The following MEGF8 variants were observed in gnomAD, a reference collection of about 807,000 sequenced individuals.
MEGF8 encodes multiple EGF like domains 8.
In MEGF8, 156 loss-of-function variants were observed where a neutral mutation model predicts 302.9. That is an observed-to-expected ratio of 0.52 (90% CI 0.45 to 0.59). The LOEUF is 0.59. Ranked by LOEUF, MEGF8 falls within the 20% of genes least tolerant of loss-of-function variation. The probability of loss-of-function intolerance (pLI) is 0.00; values close to 1 mark genes in which losing one functional copy is unlikely to be tolerated. For missense variants in MEGF8, 3,345 were observed against 3,964.5 expected (o/e 0.84, Z 4.20); for synonymous variants, 1,621 against 1,660.5 (o/e 0.98, Z 0.58).
intron 35 of MEGF8, among the ~76,000 whole-genome samples, chr19:42,363,856 C>T (rs1050716198): frequency 6.6e-6 from 1 of 152,216 alleles, no homozygotes; most frequent in African/African-American, 2.4e-5. Flanking sequence ...CACACTTCTC[C>T]ATTGTCGGGT....
intron 13 of MEGF8, 82 bp downstream of exon 13, chr19:42,348,554 T>G: frequency 3.0e-6 from 4 of 1,329,982 alleles, no homozygotes; most frequent in Non-Finnish European, 4.0e-6. Context: ...TGTGGTGATT[T>G]GAAGGTTCTG....
chr19:42,359,296 A>G (rs1304987441), intron 31 of MEGF8, 54 bp downstream of exon 31: 6 of 1,461,922 alleles, frequency 4.1e-6, no homozygotes, highest in South Asian at 1.4e-5. Context: ...GAGGAGCCCC[A>G]TCCCCATCCT....
Position 42,376,475 on chromosome 19 carries a change from C to T in MEGF8, c.8238C>T (p.Pro2746=), listed in dbSNP as rs1201125436. Residue 2746 remains proline, a synonymous_variant, in exon 42 of 42, where the codon CCC becomes CCT. Transcript: ENST00000251268. This position sits in a 1 kb window ranked among gnomAD's most constrained non-coding sequence, Gnocchi z 8.2. ...LLTGAGGPWG[P]MGGGCCPPAI... ...CAGGGGCCGGTGGGCCCTGGGGACC[C>T]ATGGGAGGGGGCTGCTGCCCACCAG... 9 of 1,604,450 alleles carry T rather than the reference C, an allele frequency of 5.6e-6. No individual in the cohort carries two copies. The highest frequency in any genetic ancestry group is 7.6e-6 in the Non-Finnish European group (9 of 1,177,286).
Position 42,375,942 on chromosome 19 carries a change from G to A in MEGF8, c.7705G>A (p.Val2569Ile), listed in dbSNP as rs147133204. 6,345 of 1,604,188 alleles carry A rather than the reference G, an allele frequency of 4.0e-3. 19 individuals are homozygous for A. Among genetic ancestry groups the A allele is most frequent in the Non-Finnish European group, 4.9e-3 (5,749 of 1,175,654 alleles). Residue 2569 changes from valine to isoleucine, a missense_variant, in exon 42 of 42, where the codon GTA becomes ATA. By Grantham distance (29) the Val-to-Ile change is conservative (BLOSUM62 3). Transcript: ENST00000251268. The surrounding 1 kb of genome is among the most constrained non-coding windows in gnomAD (Gnocchi z 7.1). The stretch of plus-strand genomic sequence containing the variant: ...CCCAGCAGAGCCACGGGTACGGGAG[G>A]TATGGCCGCGGGGCCTGATTACCTA... Reference protein sequence around the residue: ...GAPAEPRVREVWPRGLITYVT... With the variant: ...GAPAEPRVREIWPRGLITYVT...
intron 39 of MEGF8, 27 bp from the exon 40 acceptor site, chr19:42,370,674 A>C (rs760920640): frequency 1.3e-6 from 2 of 1,583,960 alleles, no homozygotes; most frequent in African/African-American, 1.3e-5. Context: ...AGGCCTTTCT[A>C]TGATCACACT....
rs1272645695 is a variant in MEGF8 at position 42,351,446 on chromosome 19, A to G, written c.2873A>G (p.Asp958Gly). 1 of 1,597,814 alleles carries G rather than the reference A, an allele frequency of 6.3e-7. No homozygotes were observed. Among genetic ancestry groups the G allele is most frequent in the African/African-American group, 1.3e-5 (1 of 74,730 alleles). ...PLCSQRLTCEDCLANSSQCAW... is the reference protein window; with the variant it reads ...PLCSQRLTCEGCLANSSQCAW... ...CACCCCAGGCGACTGACCTGTGAGGACTGCCTGGCCAACTCTAGCCAGTGC... is the reference window on the plus strand; with the variant it reads ...CACCCCAGGCGACTGACCTGTGAGGGCTGCCTGGCCAACTCTAGCCAGTGC... The change falls in exon 17 of 42, where the codon GAC (aspartate) becomes GGC (glycine). Residue 958 changes from aspartate (D) to glycine (G), a missense_variant. Transcript: ENST00000251268. This position sits in a 1 kb window ranked among gnomAD's most constrained non-coding sequence, Gnocchi z 5.6.
At chr19:42,330,630 C>T (rs566179553) in intron 1 of MEGF8, among the ~76,000 whole-genome samples, 6 of 152,316 alleles carry the variant, frequency 3.9e-5, no homozygotes, top group East Asian at 3.9e-4. Context: ...TCCAGCATTT[C>T]CTGAGCCTTT....
chr19:42,357,785 C>A lies in MEGF8; in HGVS notation c.5011+201C>A, dbSNP rs1251397972. 2.0e-5 allele frequency among the ~76,000 whole-genome samples: 3 copies of A among 152,158 alleles called. No homozygotes were observed. The highest frequency in any genetic ancestry group is 4.4e-5 in the Non-Finnish European group (3 of 68,018). On this transcript the variant is annotated intron_variant, in intron 28 of 41. Transcript: ENST00000251268. The surrounding 1 kb of genome is among the most constrained non-coding windows in gnomAD (Gnocchi z 5.2). ...CAGACTCCACAACTAACTGCCCACT[C>A]CCGGCCACATGTGGCCACCGTCCCC...
At position 42,351,625 on chromosome 19, in the gene MEGF8, C is replaced by T; in HGVS notation, c.2988-23C>T. ...CACCGGCAAGGGGCTGGGGCTCTGA[C>T]CCCCACCCCTGCCATCCTGCAGTGT... On this transcript the variant is annotated intron_variant, in intron 17 of 41. Coordinates refer to ENST00000251268, the MANE Select transcript of MEGF8 (RefSeq NM_001271938.2). The surrounding 1 kb of genome is among the most constrained non-coding windows in gnomAD (Gnocchi z 5.6). 2 of 1,593,420 alleles carry T rather than the reference C, an allele frequency of 1.3e-6. No individual in the cohort carries two copies. The highest frequency in any genetic ancestry group is 1.7e-6 in the Non-Finnish European group (2 of 1,170,566).
Position 42,369,510 on chromosome 19 carries a change from AC to A in MEGF8, c.6642-16del. 6.3e-7 allele frequency: 1 copy of A among 1,595,986 alleles called. No homozygotes were observed. Among genetic ancestry groups the A allele is most frequent in the Non-Finnish European group, 8.5e-7 (1 of 1,173,714 alleles). On this transcript the variant is annotated intron_variant, in intron 37 of 41. Coordinates refer to ENST00000251268, the MANE Select transcript of MEGF8 (RefSeq NM_001271938.2). This position sits in a 1 kb window ranked among gnomAD's most constrained non-coding sequence, Gnocchi z 5.7. ...ACGAGGAGGGTGGCCACCTGCCCTG[AC>A]CCCCACTTTGCCCCTGCAGCATGAC...
chr19:42,339,330 C>T (rs1215948052), intron 8 of MEGF8, among the ~76,000 whole-genome samples: 1 of 152,232 alleles, frequency 6.6e-6, no homozygotes, highest in African/African-American at 2.4e-5. Context: ...CTGCTTTCCA[C>T]AATGCCTGAA....
rs1365673178 is a variant in MEGF8 at position 42,375,461 on chromosome 19, C to T, written c.7270-46C>T. The stretch of plus-strand genomic sequence containing the variant: ...CACTGCTGCTTGGGGGACAGGCTGG[C>T]ACCGCACTCAGCCCTGATGGTCACC... On this transcript the variant is annotated intron_variant, in intron 41 of 41. Transcript: ENST00000251268. The surrounding 1 kb of genome is among the most constrained non-coding windows in gnomAD (Gnocchi z 7.1). The T allele has an allele frequency of 1.3e-6, 2 of 1,497,338 alleles. No individual in the cohort carries two copies. The highest frequency in any genetic ancestry group is 1.4e-5 in the African/African-American group (1 of 71,926). The allele number at this position is 1,497,338 out of a possible 1,614,324, so 92.8% of individuals were successfully genotyped here.
chr19:42,330,362 G>C (rs960962626), intron 1 of MEGF8, among the ~76,000 whole-genome samples: 2 of 152,174 alleles, frequency 1.3e-5, no homozygotes, highest in Non-Finnish European at 2.9e-5. Flanking sequence ...GAAGAACTTG[G>C]GGAGGCAGAT....
chr19:42,365,661 A>C (rs957813629), intron 35 of MEGF8, among the ~76,000 whole-genome samples: 4 of 150,510 alleles, frequency 2.7e-5, no homozygotes, highest in Non-Finnish European at 4.4e-5. Context: ...AGTCCCAGCT[A>C]CTTGGGAGGC....
Position 42,359,299 on chromosome 19 carries a change from C to T in MEGF8, c.5488+57C>T, listed in dbSNP as rs2039498827. 2.7e-6 allele frequency: 4 copies of T among 1,462,446 alleles called. No individual in the cohort carries two copies. The Admixed American group carries it at 7.6e-5, about 28-fold the overall frequency. The allele number at this position is 1,462,446 out of a possible 1,614,324, so 90.6% of individuals were successfully genotyped here. A position where few individuals can be genotyped will look rare whatever the true frequency, so the allele number is the denominator to read the frequency against. On this transcript the variant is annotated intron_variant, in intron 31 of 41. Coordinates refer to ENST00000251268, the MANE Select transcript of MEGF8 (RefSeq NM_001271938.2). ...AGGGACATCCAGGAGGAGCCCCATC[C>T]CCATCCTGGGACTCCCACTCCTTAG... is the stretch of plus-strand genomic sequence containing the variant.
intron 8 of MEGF8, among the ~76,000 whole-genome samples, chr19:42,339,276 GTCA>G (rs2147456416): frequency 6.6e-6 from 1 of 152,316 alleles, no homozygotes; most frequent in African/African-American, 2.4e-5. Flanking sequence ...GGATTGCTGG[GTCA>G]AATGGTAATT....
At position 42,352,616 on chromosome 19, in the gene MEGF8, C is replaced by G. The variant is rs2039392719; in HGVS notation, c.3350+160C>G. Among the ~76,000 whole-genome samples, 1 of 152,242 alleles carries G rather than the reference C, an allele frequency of 6.6e-6. No individual in the cohort carries two copies. Among genetic ancestry groups the G allele is most frequent in the Non-Finnish European group, 1.5e-5 (1 of 68,044 alleles). On this transcript the variant is annotated intron_variant, in intron 19 of 41. Coordinates refer to ENST00000251268, the MANE Select transcript of MEGF8 (RefSeq NM_001271938.2). The surrounding 1 kb of genome is among the most constrained non-coding windows in gnomAD (Gnocchi z 4.4). ...GCACACTAGGTCCTTATTAGAGTGA[C>G]AGGGTCCCCAGTGTAACCCTGGTTA...
In MEGF8 at chr19:42,362,178, C is replaced by T. The variant is rs777955709; in HGVS notation, c.5809C>T (p.Arg1937Cys). The change falls in exon 33 of 42, where the codon CGC becomes TGC. Residue 1937 changes from arginine (R) to cysteine (C), a missense_variant. Physicochemically the swap from Arg to Cys is radical, Grantham distance 180. Coordinates refer to ENST00000251268, the MANE Select transcript of MEGF8 (RefSeq NM_001271938.2). Reference sequence around the variant, plus strand: ...CCGGACCTGCAGTGAGTGCCTGGCCCGCCATCCTCGGACCCTGCAACCTGG... The same window carrying T: ...CCGGACCTGCAGTGAGTGCCTGGCCTGCCATCCTCGGACCCTGCAACCTGG... ...RLRTCSECLA[R>C]HPRTLQPGDG... 37 of 1,610,328 alleles carry T rather than the reference C, an allele frequency of 2.3e-5. No homozygotes were observed. The highest frequency in any genetic ancestry group is 3.4e-5 in the Admixed American group (2 of 59,504).
Position 42,351,412 on chromosome 19 carries a change from C to A in MEGF8, c.2856-17C>A. 6.3e-7 allele frequency: 1 copy of A among 1,586,552 alleles called. No homozygotes were observed. The highest frequency in any genetic ancestry group is 8.6e-7 in the Non-Finnish European group (1 of 1,166,964). ...TGCTGGCTGTGGAGTGACCTGGCCC[C>A]CTGCTCCCCACCCCAGGCGACTGAC... On this transcript the variant is annotated splice_polypyrimidine_tract_variant and intron_variant, in intron 16 of 41. Coordinates refer to ENST00000251268, the MANE Select transcript of MEGF8 (RefSeq NM_001271938.2). This position sits in a 1 kb window ranked among gnomAD's most constrained non-coding sequence, Gnocchi z 5.6.
Sources: allele counts gnomAD v4.1 joint callset (sites outside exome capture counted in the v4.1 genomes callset), GRCh38; gene constraint gnomAD v4.1.1; non-coding constraint Gnocchi (gnomAD v3.1); transcripts MANE v1.5; gene names NCBI Gene and HGNC (gene_info 2026-07-23, HGNC 2026-07-21).